ADGRL3: variants seen among roughly 807,000 people sequenced by gnomAD.
ADGRL3 encodes the protein adhesion G protein-coupled receptor L3.
In ADGRL3, 62 loss-of-function variants were observed where a neutral mutation model predicts 153.5. The observed-to-expected ratio is 0.40, with a 90% CI of 0.33 to 0.50. The LOEUF (loss-of-function observed/expected upper bound fraction) is 0.50, where lower values mean the gene tolerates loss of function less well. Among genes scored for constraint, ADGRL3 ranks in the 20% least tolerant of loss-of-function variants. The pLI is 0.47. For missense variants in ADGRL3, 1,641 were observed against 1,859.4 expected, an observed-to-expected ratio of 0.88 and a Z score of 2.16; for synonymous variants, 710 against 672.5, an observed-to-expected ratio of 1.06 and a Z score of -0.86.
intron 4 of ADGRL3, among the ~76,000 whole-genome samples, chr4:61,572,902 G>A (rs1246004370): frequency 2.0e-5 from 3 of 151,926 alleles, no homozygotes; most frequent in Admixed American, 1.3e-4. Flanking sequence ...AGAAAGAACT[G>A]TTTTCAGCAT....
intron 25 of ADGRL3, among the ~76,000 whole-genome samples, chr4:62,065,460 T>G (rs1742499131): frequency 6.6e-6 from 1 of 152,074 alleles, no homozygotes; most frequent in Admixed American, 6.6e-5. Context: ...CTTTTTTCTT[T>G]GTTTTCCTTA....
intron 9 of ADGRL3, among the ~76,000 whole-genome samples, chr4:61,835,624 A>G (rs1376287125): frequency 6.6e-6 from 1 of 152,148 alleles, no homozygotes; most frequent in Non-Finnish European, 1.5e-5. Context: ...CAGGTGCTTC[A>G]AAGACATAGT....
intron 3 of ADGRL3, among the ~76,000 whole-genome samples, chr4:61,506,752 C>T (rs2098433033): frequency 6.6e-6 from 1 of 151,986 alleles, no homozygotes; most frequent in African/African-American, 2.4e-5. Context: ...TTAGAGAAAT[C>T]ATTGTTTTGA....
chr4:61,724,230 C>G (rs1175514546), intron 6 of ADGRL3, among the ~76,000 whole-genome samples: 1 of 152,160 alleles, frequency 6.6e-6, no homozygotes, highest in Non-Finnish European at 1.5e-5. Flanking sequence ...AATGTTGTAT[C>G]AACTTTAAGT....
intron 8 of ADGRL3, among the ~76,000 whole-genome samples, chr4:61,806,399 T>C (rs2097552601): frequency 6.6e-6 from 1 of 151,692 alleles, no homozygotes; most frequent in Non-Finnish European, 1.5e-5. Context: ...ACAAAAGATA[T>C]ATAATGTATA....
At chr4:61,653,525 GAA>G (rs1443752354) in intron 5 of ADGRL3, among the ~76,000 whole-genome samples, 3 of 152,052 alleles carry the variant, frequency 2.0e-5, no homozygotes, top group Admixed American at 2.0e-4. Flanking sequence ...TCTTTTAATG[GAA>G]AAGTCCAGGG....
chr4:61,948,630 C>T (rs533611384), intron 17 of ADGRL3, among the ~76,000 whole-genome samples: 119 of 151,996 alleles, frequency 7.8e-4, no homozygotes, highest in Non-Finnish European at 1.5e-3. Context: ...ACTGGGGAGG[C>T]GGAAGAATAA....
intron 8 of ADGRL3, among the ~76,000 whole-genome samples, chr4:61,803,278 G>A (rs2097521870): frequency 6.6e-6 from 1 of 152,014 alleles, no homozygotes; most frequent in African/African-American, 2.4e-5. Flanking sequence ...AGTTAATAGT[G>A]AAATTCTAAA....
chr4:61,829,360 A>G (rs994031667), intron 9 of ADGRL3, among the ~76,000 whole-genome samples: 1 of 152,136 alleles, frequency 6.6e-6, no homozygotes, highest in Non-Finnish European at 1.5e-5. Flanking sequence ...TTTTAAGCAC[A>G]TGGACTTAAT....
chr4:61,502,970 A>C (rs2098402139), intron 3 of ADGRL3, among the ~76,000 whole-genome samples: 1 of 152,216 alleles, frequency 6.6e-6, no homozygotes, highest in African/African-American at 2.4e-5. Context: ...AGTCAAATAC[A>C]TTATACAGAA....
At chr4:61,461,874 A>G (rs1252032336) in intron 2 of ADGRL3, among the ~76,000 whole-genome samples, 1 of 152,190 alleles carries the variant, frequency 6.6e-6, no homozygotes, top group Non-Finnish European at 1.5e-5. Context: ...GTGTCAGCTC[A>G]GAAATGCATT....
intron 1 of ADGRL3, among the ~76,000 whole-genome samples, chr4:61,243,016 C>A (rs1191611822): frequency 6.6e-6 from 1 of 152,022 alleles, no homozygotes; most frequent in South Asian, 2.1e-4. Flanking sequence ...AGTCTACAAA[C>A]AGCCATGGGG....
At chr4:61,503,770 A>G (rs558875321) in intron 3 of ADGRL3, among the ~76,000 whole-genome samples, 6 of 152,242 alleles carry the variant, frequency 3.9e-5, no homozygotes, top group Admixed American at 3.9e-4. Flanking sequence ...ATATTTGTAC[A>G]TGTTTATGGG....
At chr4:61,874,406 A>C (rs1392035466) in intron 9 of ADGRL3, among the ~76,000 whole-genome samples, 2 of 152,132 alleles carry the variant, frequency 1.3e-5, no homozygotes, top group African/African-American at 4.8e-5. Flanking sequence ...GTTTGCTATA[A>C]TGTAATCACG....
intron 1 of ADGRL3, among the ~76,000 whole-genome samples, chr4:61,359,616 G>C (rs142303996): frequency 6.6e-6 from 1 of 152,024 alleles, no homozygotes. Context: ...GTTTTTACTC[G>C]AATTTTACCT....
intron 9 of ADGRL3, among the ~76,000 whole-genome samples, chr4:61,890,762 G>A (rs1273979903): frequency 6.6e-6 from 1 of 152,166 alleles, no homozygotes; most frequent in Non-Finnish European, 1.5e-5. Context: ...TCCCCACGTA[G>A]TATGATGTCA....
intron 11 of ADGRL3, among the ~76,000 whole-genome samples, chr4:61,901,050 C>T (rs1335461868): frequency 1.3e-5 from 2 of 152,050 alleles, no homozygotes; most frequent in Non-Finnish European, 2.9e-5. Context: ...ATAATTTCAC[C>T]CGTCTTTTTT....
At chr4:61,640,859 T>C (rs1029550325) in intron 5 of ADGRL3, among the ~76,000 whole-genome samples, 1 of 152,198 alleles carries the variant, frequency 6.6e-6, no homozygotes, top group African/African-American at 2.4e-5. Context: ...TTTATTGTCC[T>C]TTGTGAATTA....
At chr4:61,886,040 A>G (rs866203917) in intron 9 of ADGRL3, among the ~76,000 whole-genome samples, 1 of 152,188 alleles carries the variant, frequency 6.6e-6, no homozygotes, top group Non-Finnish European at 1.5e-5. Flanking sequence ...TATCCTTGCC[A>G]TGAAAGAACT....
Sources: gnomAD v4.1 joint callset for allele counts (sites outside exome capture counted in the v4.1 genomes callset) on GRCh38, gnomAD v4.1.1 for gene constraint, MANE v1.5 for transcripts, NCBI Gene and HGNC (gene_info 2026-07-23, HGNC 2026-07-21) for gene names.